CNTN5: variants seen among roughly 807,000 people sequenced by gnomAD.
CNTN5 encodes the protein contactin-5.
Under a neutral mutation model 129.1 loss-of-function variants are expected in CNTN5, and 77 were observed. The ratio of observed to expected loss-of-function variants is 0.60; its 90% CI spans 0.50 to 0.72. CNTN5 has a LOEUF of 0.72. CNTN5 is among the 30% of genes least tolerant of loss of function. The pLI is 0.00. For missense variants in CNTN5, 1,478 were observed against 1,328.8 expected, an observed-to-expected ratio of 1.11 and a Z score of -1.75; for synonymous variants, 509 against 465.6, an observed-to-expected ratio of 1.09 and a Z score of -1.20.
chr11:99,701,750 A>C (rs1954529626), intron 3 of CNTN5, among the ~76,000 whole-genome samples: 1 of 151,166 alleles, frequency 6.6e-6, no homozygotes, highest in South Asian at 2.1e-4. Flanking sequence ...ATAATTTTTT[A>C]AAACTCTACA....
intron 1 of CNTN5, among the ~76,000 whole-genome samples, chr11:99,226,452 C>T (rs1860691095): frequency 6.6e-6 from 1 of 152,136 alleles, no homozygotes; most frequent in Non-Finnish European, 1.5e-5. Flanking sequence ...ATCAACTGTG[C>T]AATTACCTTG....
intron 13 of CNTN5, among the ~76,000 whole-genome samples, chr11:100,149,918 G>GA (rs146132545): frequency 0.034 from 4,970 of 144,330 alleles, 291 homozygotes; most frequent in African/African-American, 0.12. Context: ...GAAAAGAAAA[G>GA]AAAAAAAAAA....
chr11:99,484,136 A>C (rs1945713287), intron 2 of CNTN5, among the ~76,000 whole-genome samples: 2 of 152,198 alleles, frequency 1.3e-5, no homozygotes, highest in South Asian at 4.1e-4. Flanking sequence ...GACGAGGATT[A>C]ATACCCAGAA....
intron 2 of CNTN5, among the ~76,000 whole-genome samples, chr11:99,333,850 G>A (rs1012886904): frequency 4.0e-5 from 6 of 151,736 alleles, no homozygotes; most frequent in Non-Finnish European, 7.4e-5. Flanking sequence ...TAATGATAAC[G>A]GATTGTCATA....
intron 13 of CNTN5, among the ~76,000 whole-genome samples, chr11:100,125,155 AT>A (rs1946143003): frequency 6.6e-6 from 1 of 152,044 alleles, no homozygotes; most frequent in East Asian, 1.9e-4. Context: ...CATCTAGTTT[AT>A]ACAGGCATTC....
chr11:99,996,612 G>A (rs1461478089), intron 8 of CNTN5, among the ~76,000 whole-genome samples: 4 of 151,716 alleles, frequency 2.6e-5, no homozygotes, highest in Non-Finnish European at 5.9e-5. Flanking sequence ...TTATTCTTAT[G>A]ATCTCCTCAA....
intron 2 of CNTN5, among the ~76,000 whole-genome samples, chr11:99,511,254 G>A (rs369784801): frequency 3.3e-5 from 5 of 152,074 alleles, no homozygotes; most frequent in East Asian, 1.9e-4. Context: ...CTTTGTTCTC[G>A]TTGGTTTCAA....
At chr11:99,538,138 T>C (rs1173442814) in intron 2 of CNTN5, among the ~76,000 whole-genome samples, 1 of 152,192 alleles carries the variant, frequency 6.6e-6, no homozygotes, top group Non-Finnish European at 1.5e-5. Flanking sequence ...CTTGAGACAG[T>C]ATTTTAAAAT....
chr11:99,901,395 G>A (rs577169815), intron 6 of CNTN5, among the ~76,000 whole-genome samples: 4 of 152,074 alleles, frequency 2.6e-5, no homozygotes, highest in Admixed American at 1.3e-4. Flanking sequence ...GGTTCAAATG[G>A]TTCTCCCACC....
intron 9 of CNTN5, among the ~76,000 whole-genome samples, chr11:100,027,648 C>T (rs1941495113): frequency 6.6e-6 from 1 of 152,082 alleles, no homozygotes; most frequent in Non-Finnish European, 1.5e-5. Context: ...TTTCTCTGCA[C>T]AGCTGTCCTC....
chr11:99,577,574 A>C (rs2135596208), intron 3 of CNTN5, among the ~76,000 whole-genome samples: 1 of 152,290 alleles, frequency 6.6e-6, no homozygotes, highest in East Asian at 1.9e-4. Context: ...TCATTTAATT[A>C]AAAATAATGT....
intron 1 of CNTN5, among the ~76,000 whole-genome samples, chr11:99,277,397 C>T (rs191018756): frequency 4.4e-4 from 66 of 151,644 alleles, no homozygotes; most frequent in African/African-American, 1.4e-3. Flanking sequence ...GTGACTCTAC[C>T]CTTGGCAACT....
intron 16 of CNTN5, among the ~76,000 whole-genome samples, chr11:100,232,494 G>A (rs745659067): frequency 5.3e-5 from 8 of 152,184 alleles, no homozygotes; most frequent in Non-Finnish European, 1.2e-4. Flanking sequence ...ACCAAATTAT[G>A]GTAGATGGAG....
At chr11:99,679,028 A>G (rs1003840775) in intron 3 of CNTN5, among the ~76,000 whole-genome samples, 1 of 147,500 alleles carries the variant, frequency 6.8e-6, no homozygotes, top group Non-Finnish European at 1.5e-5. Context: ...TTTTAAATAT[A>G]TATATAAAAT....
Position 100,062,371 on chromosome 11 carries a change from C to T in CNTN5, c.1162+978C>T, listed in dbSNP as rs141729215. Among the ~76,000 whole-genome samples the T allele has an allele frequency of 4.5e-3, 680 of 152,282 alleles. 8 individuals are homozygous for T. The highest frequency in any genetic ancestry group is 0.015 in the African/African-American group (644 of 41,568). Reference sequence around the variant, plus strand: ...TTGAAATATTAATAACTGAATTCAACCAGTCTTTCTTCATCTTTAACAACT... The same window carrying T: ...TTGAAATATTAATAACTGAATTCAATCAGTCTTTCTTCATCTTTAACAACT... On this transcript the variant is annotated intron_variant, in intron 10 of 24. Coordinates refer to ENST00000524871, the MANE Select transcript of CNTN5 (RefSeq NM_014361.4).
chr11:99,806,458 G>C (rs1290781801), intron 3 of CNTN5, among the ~76,000 whole-genome samples: 1 of 152,068 alleles, frequency 6.6e-6, no homozygotes, highest in East Asian at 1.9e-4. Context: ...TGTCTTTAGA[G>C]TTATTCTGAC....
chr11:99,539,821 T>G (rs981803144), intron 2 of CNTN5, among the ~76,000 whole-genome samples: 1 of 152,142 alleles, frequency 6.6e-6, no homozygotes, highest in Non-Finnish European at 1.5e-5. Context: ...TAAAAATCCT[T>G]GTACCATATA....
At chr11:99,945,994 G>T (rs1204382465) in intron 7 of CNTN5, among the ~76,000 whole-genome samples, 2 of 151,896 alleles carry the variant, frequency 1.3e-5, no homozygotes, top group Non-Finnish European at 2.9e-5. Flanking sequence ...CCTGTTCGTT[G>T]TTTGACATAA....
At chr11:99,386,506 G>A (rs1335210776) in intron 2 of CNTN5, among the ~76,000 whole-genome samples, 1 of 152,020 alleles carries the variant, frequency 6.6e-6, no homozygotes, top group Non-Finnish European at 1.5e-5. Context: ...TGGGAGTGTA[G>A]CAGTGAGGAT....
Sources: allele counts gnomAD v4.1 joint callset (sites outside exome capture counted in the v4.1 genomes callset), GRCh38; gene constraint gnomAD v4.1.1; transcripts MANE v1.5; gene names NCBI Gene and HGNC (gene_info 2026-07-23, HGNC 2026-07-21).